VAV3: variants seen among roughly 807,000 people sequenced by gnomAD.
VAV3 encodes the protein vav guanine nucleotide exchange factor 3.
In VAV3, 94 loss-of-function variants were observed where a neutral mutation model predicts 131.2. The ratio of observed to expected loss-of-function variants is 0.72; its 90% CI spans 0.61 to 0.85. The LOEUF (loss-of-function observed/expected upper bound fraction) is 0.85. Among genes scored for constraint, VAV3 ranks in the 40% least tolerant of loss-of-function variants. VAV3 has a pLI of 0.00. For missense variants in VAV3, 939 were observed against 1,002.7 expected, an observed-to-expected ratio of 0.94 and a Z score of 0.86; for synonymous variants, 349 against 342.0, an observed-to-expected ratio of 1.02 and a Z score of -0.22.
At chr1:107,706,912 C>T (rs573456665) in intron 15 of VAV3, among the ~76,000 whole-genome samples, 7 of 152,274 alleles carry the variant, frequency 4.6e-5, no homozygotes, top group African/African-American at 1.7e-4. Context: ...AAATCTGCCT[C>T]GGACACAGGT....
chr1:107,946,417 C>A (rs1202042930), intron 1 of VAV3, among the ~76,000 whole-genome samples: 1 of 152,222 alleles, frequency 6.6e-6, no homozygotes, highest in African/African-American at 2.4e-5. Flanking sequence ...ACATGCCACT[C>A]AAGTCTTTGT....
intron 1 of VAV3, among the ~76,000 whole-genome samples, chr1:107,935,438 C>T (rs898514896): frequency 6.6e-6 from 1 of 152,176 alleles, no homozygotes; most frequent in Non-Finnish European, 1.5e-5. Flanking sequence ...ACCACAGGGT[C>T]TACTCTCTCC....
In VAV3 at chr1:107,834,160, C is replaced by T. The variant is rs900872084; in HGVS notation, c.321+40741G>A. ...CAATTTTGTGTGGCCATATATAAAC[C>T]CATTTTACATTTAAAAATTGCACCC... On this transcript the variant is annotated intron_variant, in intron 2 of 26. Coordinates refer to ENST00000370056, the MANE Select transcript of VAV3 (RefSeq NM_006113.5). Among the ~76,000 whole-genome samples the T allele has an allele frequency of 2.0e-5, 3 of 152,078 alleles. No homozygotes were observed. In the South Asian group the frequency reaches 6.2e-4, roughly 32 times the overall value.
intron 21 of VAV3, among the ~76,000 whole-genome samples, chr1:107,611,778 C>A (rs1652754104): frequency 6.6e-6 from 1 of 152,082 alleles, no homozygotes; most frequent in Non-Finnish European, 1.5e-5. Context: ...ACCCTGGTGT[C>A]CCACTAGAGC....
chr1:107,669,333 C>T, intron 19 of VAV3: 1 of 1,289,778 alleles, frequency 7.8e-7, no homozygotes, highest in Non-Finnish European at 1.0e-6. Context: ...CCAGCCTTGT[C>T]TGTCTCCTGT....
intron 15 of VAV3, among the ~76,000 whole-genome samples, chr1:107,717,760 A>G (rs4440889): frequency 0.1 from 15,880 of 152,090 alleles, 981 homozygotes; most frequent in East Asian, 0.25. Context: ...AGGTCGGCTT[A>G]GTGCATTGCT....
chr1:107,774,596 C>A (rs966987774), intron 4 of VAV3, among the ~76,000 whole-genome samples: 2 of 152,104 alleles, frequency 1.3e-5, no homozygotes, highest in South Asian at 2.1e-4. Flanking sequence ...GTCAATAAAT[C>A]AAAAACAATC....
chr1:107,593,061 T>C (rs1267922972), intron 25 of VAV3, among the ~76,000 whole-genome samples: 2 of 152,084 alleles, frequency 1.3e-5, no homozygotes, highest in African/African-American at 4.8e-5. Context: ...AGAAATGCTC[T>C]TAAGTCATTC....
intron 19 of VAV3, among the ~76,000 whole-genome samples, chr1:107,661,801 A>C (rs1442720213): frequency 6.6e-6 from 1 of 152,156 alleles, no homozygotes; most frequent in Non-Finnish European, 1.5e-5. Flanking sequence ...TCAAATAAGG[A>C]ATGGCTTTAG....
chr1:107,592,056 CGTGTGT>C (rs35290300), intron 25 of VAV3, among the ~76,000 whole-genome samples: 3 of 148,700 alleles, frequency 2.0e-5, no homozygotes, highest in Admixed American at 6.7e-5. Flanking sequence ...TATATACATA[CGTGTGT>C]GTGTGTGTGT....
intron 2 of VAV3, among the ~76,000 whole-genome samples, chr1:107,813,097 C>T (rs78495697): frequency 0.095 from 13,759 of 144,374 alleles, 803 homozygotes; most frequent in East Asian, 0.26. Context: ...CTAGCCTAAG[C>T]GACAGAGCCA....
intron 18 of VAV3, among the ~76,000 whole-genome samples, chr1:107,686,106 A>G (rs1402332035): frequency 6.6e-6 from 1 of 151,550 alleles, no homozygotes; most frequent in East Asian, 1.9e-4. Context: ...CCTCATTACC[A>G]TTGCCTTATC....
intron 2 of VAV3, among the ~76,000 whole-genome samples, chr1:107,834,811 T>A (rs562498067): frequency 6.6e-6 from 1 of 152,138 alleles, no homozygotes; most frequent in South Asian, 2.1e-4. Context: ...CAGGACTAGT[T>A]CCTGGCCTTG....
intron 15 of VAV3, among the ~76,000 whole-genome samples, chr1:107,745,216 G>T (rs554503104): frequency 1.1e-3 from 161 of 152,204 alleles, no homozygotes; most frequent in Admixed American, 1.5e-3. Context: ...AACCCTTTTG[G>T]AATAAATAAA....
At chr1:107,846,718 C>T (rs926480433) in intron 2 of VAV3, among the ~76,000 whole-genome samples, 4 of 152,082 alleles carry the variant, frequency 2.6e-5, no homozygotes, top group African/African-American at 9.7e-5. Context: ...GCAACAAGAG[C>T]TAACTACCCT....
intron 15 of VAV3, among the ~76,000 whole-genome samples, chr1:107,722,353 C>T (rs776832479): frequency 2.0e-5 from 3 of 152,128 alleles, no homozygotes; most frequent in Admixed American, 6.6e-5. Context: ...TTTTGGGATT[C>T]TCTATTCTAC....
chr1:107,733,844 C>A (rs1662419402), intron 15 of VAV3, among the ~76,000 whole-genome samples: 1 of 152,154 alleles, frequency 6.6e-6, no homozygotes, highest in Non-Finnish European at 1.5e-5. Context: ...AGGACGTCCC[C>A]AACCTAACAA....
At chr1:107,840,317 A>G (rs912322734) in intron 2 of VAV3, among the ~76,000 whole-genome samples, 8 of 152,042 alleles carry the variant, frequency 5.3e-5, no homozygotes, top group Non-Finnish European at 7.3e-5. Context: ...GTCACTTTTT[A>G]CTTGCTACAA....
chr1:107,772,382 A>C (rs1270593025), intron 5 of VAV3, among the ~76,000 whole-genome samples: 2 of 152,110 alleles, frequency 1.3e-5, no homozygotes, highest in Non-Finnish European at 2.9e-5. Flanking sequence ...AAAGGGAAAA[A>C]TTTACCTGTG....
Sources: gnomAD v4.1 joint callset for allele counts (sites outside exome capture counted in the v4.1 genomes callset) on GRCh38, gnomAD v4.1.1 for gene constraint, MANE v1.5 for transcripts, NCBI Gene and HGNC (gene_info 2026-07-23, HGNC 2026-07-21) for gene names.